The following BICC1 variants were observed in gnomAD, a reference collection of about 807,000 sequenced individuals.
BICC1 encodes protein bicaudal C homolog 1.
In BICC1, 43 loss-of-function variants were observed where a neutral mutation model predicts 111.0. That is an observed-to-expected ratio of 0.39 (90% CI 0.30 to 0.50). The LOEUF is 0.50. Among genes scored for constraint, BICC1 ranks in the 20% least tolerant of loss-of-function variants. The probability of loss-of-function intolerance (pLI) is 0.88; values close to 1 mark genes in which losing one functional copy is unlikely to be tolerated. For missense variants in BICC1, 1,091 were observed against 1,203.2 expected, an observed-to-expected ratio of 0.91 and a Z score of 1.38; for synonymous variants, 467 against 434.4, an observed-to-expected ratio of 1.07 and a Z score of -0.93.
chr10:58,662,689 T>C (rs1474430038), intron 2 of BICC1, among the ~76,000 whole-genome samples: 1 of 152,198 alleles, frequency 6.6e-6, no homozygotes, highest in Admixed American at 6.5e-5. Context: ...TTTTGAAACA[T>C]AGGAAAGAAC....
chr10:58,532,995 C>T (rs928169546), intron 1 of BICC1, among the ~76,000 whole-genome samples: 1 of 151,762 alleles, frequency 6.6e-6, no homozygotes, highest in African/African-American at 2.4e-5. Context: ...ATGAGATATT[C>T]AAGGCATTTT....
chr10:58,756,614 G>A (rs1670079391), intron 3 of BICC1, among the ~76,000 whole-genome samples: 1 of 139,424 alleles, frequency 7.2e-6, no homozygotes, highest in South Asian at 2.3e-4. Flanking sequence ...GGACCCTTTA[G>A]CAACTACTAG....
At chr10:58,527,101 C>G (rs915268033) in intron 1 of BICC1, among the ~76,000 whole-genome samples, 17 of 152,314 alleles carry the variant, frequency 1.1e-4, no homozygotes, top group South Asian at 8.3e-4. Context: ...TGTTTCCTGA[C>G]TTTTTAATGA....
At chr10:58,607,015 G>T (rs1251022440) in intron 1 of BICC1, among the ~76,000 whole-genome samples, 3 of 152,058 alleles carry the variant, frequency 2.0e-5, no homozygotes, top group Non-Finnish European at 4.4e-5. Context: ...TTCTCTAAAT[G>T]TTTCTCTTTT....
intron 3 of BICC1, chr10:58,715,920 T>A: frequency 7.8e-7 from 1 of 1,286,898 alleles, no homozygotes; most frequent in Non-Finnish European, 1.1e-6. Flanking sequence ...ATTCTGAAGA[T>A]GAGGATAAGA....
intron 2 of BICC1, among the ~76,000 whole-genome samples, chr10:58,692,315 C>CTA (rs1839933963): frequency 6.6e-6 from 1 of 152,084 alleles, no homozygotes; most frequent in African/African-American, 2.4e-5. Flanking sequence ...CTAAGCCTGC[C>CTA]TATAGTGTGG....
intron 8 of BICC1, among the ~76,000 whole-genome samples, chr10:58,792,425 C>T (rs566723913): frequency 7.9e-5 from 12 of 152,228 alleles, no homozygotes; most frequent in South Asian, 6.2e-4. Context: ...GGACAAGGAC[C>T]GGACCAATAC....
chr10:58,577,876 T>C (rs966656612), intron 1 of BICC1, among the ~76,000 whole-genome samples: 3 of 152,254 alleles, frequency 2.0e-5, no homozygotes, highest in African/African-American at 7.2e-5. Context: ...ATTTCTGATT[T>C]GGTAACTGTT....
At chr10:58,586,232 T>C (rs1462529603) in intron 1 of BICC1, among the ~76,000 whole-genome samples, 4 of 152,138 alleles carry the variant, frequency 2.6e-5, no homozygotes, top group Non-Finnish European at 5.9e-5. Context: ...TCCAGTATTA[T>C]TATTATATGT....
At chr10:58,716,346 A>G (rs944741508) in intron 3 of BICC1, 26 of 1,346,914 alleles carry the variant, frequency 1.9e-5, no homozygotes, top group Admixed American at 1.1e-4. Flanking sequence ...GGAAATTTCA[A>G]CTGTGAAAAC....
chr10:58,751,099 A>G (rs1024204844), intron 3 of BICC1, among the ~76,000 whole-genome samples: 3 of 152,166 alleles, frequency 2.0e-5, no homozygotes, highest in Admixed American at 2.0e-4. Flanking sequence ...ATCAATAGCC[A>G]TAGAAGGATA....
chr10:58,595,015 A>T (rs1476714418), intron 1 of BICC1, among the ~76,000 whole-genome samples: 1 of 152,168 alleles, frequency 6.6e-6, no homozygotes, highest in Non-Finnish European at 1.5e-5. Context: ...AAATAAAGGG[A>T]TGGGGGAATA....
intron 3 of BICC1, among the ~76,000 whole-genome samples, chr10:58,739,455 T>G (rs568281913): frequency 2.0e-5 from 3 of 152,340 alleles, no homozygotes; most frequent in South Asian, 2.1e-4. Context: ...GTGGATAAGC[T>G]TTTTGATGTG....
At chr10:58,527,391 A>G (rs1842572347) in intron 1 of BICC1, among the ~76,000 whole-genome samples, 1 of 152,160 alleles carries the variant, frequency 6.6e-6, no homozygotes, top group Admixed American at 6.5e-5. Flanking sequence ...CTCTGATGGT[A>G]GTTTCTTTTG....
chr10:58,750,659 G>A (rs777380622), intron 3 of BICC1, among the ~76,000 whole-genome samples: 4 of 152,108 alleles, frequency 2.6e-5, no homozygotes, highest in Non-Finnish European at 5.9e-5. Flanking sequence ...TATGATAGGT[G>A]AAAAAGTCTA....
chr10:58,657,597 A>T (rs1248648102), intron 2 of BICC1, among the ~76,000 whole-genome samples: 1 of 152,200 alleles, frequency 6.6e-6, no homozygotes, highest in East Asian at 1.9e-4. Flanking sequence ...ATGTTAATTT[A>T]AATTCTTGCT....
At position 58,555,305 on chromosome 10, in the gene BICC1, C is replaced by CT. The variant is rs1564485963; in HGVS notation, c.190+41972_190+41973insT. On this transcript the variant is annotated intron_variant, in intron 1 of 20. Transcript: ENST00000373886. ...GCTGAAGAGAATAGAGGCTGTTGGACATTTTTTTTTTTTTTTTTTTTTTTT... is the reference window on the plus strand; with the variant it reads ...GCTGAAGAGAATAGAGGCTGTTGGACTATTTTTTTTTTTTTTTTTTTTTTTT... Among the ~76,000 whole-genome samples the CT allele has an allele frequency of 3.5e-4, 33 of 93,826 alleles. 2 individuals are homozygous for CT. Among genetic ancestry groups the CT allele is most frequent in the African/African-American group, 1.4e-3 (32 of 22,734 alleles). 61.6% of individuals were successfully genotyped at this position (93,826 alleles called of 152,430 possible).
At position 58,822,658 on chromosome 10, in the gene BICC1, G is replaced by A. The variant is rs184835755; in HGVS notation, c.2794+2190G>A. Among the ~76,000 whole-genome samples, 272 of 152,156 alleles carry A rather than the reference G, an allele frequency of 1.8e-3. 1 individual carries two copies. Among genetic ancestry groups the A allele is most frequent in the Non-Finnish European group, 1.7e-3 (115 of 67,982 alleles). On this transcript the variant is annotated intron_variant, in intron 20 of 20. Transcript: ENST00000373886. ...TTTAAGAATAATTTTGTCTTACTTTGTTGAGTGCATTTGTTTGAACCTGGT... is the reference window on the plus strand; with the variant it reads ...TTTAAGAATAATTTTGTCTTACTTTATTGAGTGCATTTGTTTGAACCTGGT...
At chr10:58,737,377 C>G (rs910959668) in intron 3 of BICC1, among the ~76,000 whole-genome samples, 5 of 152,132 alleles carry the variant, frequency 3.3e-5, no homozygotes, top group Non-Finnish European at 5.9e-5. Flanking sequence ...CGATAGTTTG[C>G]TGAGAATGAT....
Sources: gnomAD v4.1 joint callset for allele counts (sites outside exome capture counted in the v4.1 genomes callset) on GRCh38, gnomAD v4.1.1 for gene constraint, MANE v1.5 for transcripts, NCBI Gene and HGNC (gene_info 2026-07-23, HGNC 2026-07-21) for gene names.